The following RP1L1 variants were observed in gnomAD, a reference collection of about 807,000 sequenced individuals.
The protein encoded by RP1L1 is RP1 like 1.
Under a neutral mutation model 15.7 loss-of-function variants are expected in RP1L1, and 27 were observed. The observed-to-expected ratio is 1.72, with a 90% CI of 1.27 to 2.38. The LOEUF (loss-of-function observed/expected upper bound fraction) is 2.38, where lower values mean the gene tolerates loss of function less well. Among genes scored for constraint, RP1L1 ranks in the 30% most tolerant of loss-of-function variants. The pLI is 0.00. For missense variants in RP1L1, 4,798 were observed against 3,075.9 expected (o/e 1.56, Z -13.24); for synonymous variants, 1,813 against 1,276.7 (o/e 1.42, Z -8.96).
Position 10,608,410 on chromosome 8 carries a change from T to C in RP1L1, c.5688A>G (p.Glu1896=). The stretch of plus-strand genomic sequence containing the variant: ...CTTCTGACTCTGGCTGGACCTCCCA[T>C]TCTGCCTCTGGGGTCTCTACATCTT... ...ESEDVETPEA[E]WEVQPESEGA... The change falls in exon 4 of 4, where the codon GAA becomes GAG. Residue 1896 remains glutamate (E), a synonymous_variant. Coordinates refer to ENST00000382483, the MANE Select transcript of RP1L1 (RefSeq NM_178857.6). 4 of 1,606,390 alleles carry C rather than the reference T, an allele frequency of 2.5e-6. No homozygotes were observed. Among genetic ancestry groups the C allele is most frequent in the Non-Finnish European group, 3.4e-6 (4 of 1,175,494 alleles).
At chr8:10,638,274 G>A (rs932903293) in intron 1 of RP1L1, among the ~76,000 whole-genome samples, 1 of 152,130 alleles carries the variant, frequency 6.6e-6, no homozygotes. Flanking sequence ...GATTCCCACC[G>A]AGGTCTGGTC....
At position 10,611,755 on chromosome 8, in the gene RP1L1, G is replaced by C; in HGVS notation, c.2343C>G (p.Ser781=). ...CAGCCCCAGATTTTGAGCAGGAGTCGGATGTGTGGGGAGGTATGGGGGCCG... is the reference window on the plus strand; with the variant it reads ...CAGCCCCAGATTTTGAGCAGGAGTCCGATGTGTGGGGAGGTATGGGGGCCG... ...CSPAPIPPHT[S]DSCSKSGAAS... Residue 781 remains serine (S), a synonymous_variant, in exon 4 of 4, where the codon TCC becomes TCG. Coordinates refer to ENST00000382483, the MANE Select transcript of RP1L1 (RefSeq NM_178857.6). 6.2e-7 allele frequency: 1 copy of C among 1,613,628 alleles called. No homozygotes were observed. The highest frequency in any genetic ancestry group is 1.1e-5 in the South Asian group (1 of 91,082).
chr8:10,606,645 A>T lies in RP1L1; in HGVS notation c.*250T>A, dbSNP rs1797706182. On this transcript the variant is annotated 3_prime_UTR_variant, in exon 4 of 4. Transcript: ENST00000382483. ...TAAATAGGAGCCGGGCTGACCTCCGATAACCGGGCAGATCCGCAGACACCC... is the reference window on the plus strand; with the variant it reads ...TAAATAGGAGCCGGGCTGACCTCCGTTAACCGGGCAGATCCGCAGACACCC... 2 of 576,582 alleles carry T rather than the reference A, an allele frequency of 3.5e-6. No homozygotes were observed. Among genetic ancestry groups the T allele is most frequent in the East Asian group, 6.3e-5 (2 of 31,824 alleles). The allele number at this position is 576,582 out of a possible 1,614,324, so 35.7% of individuals were successfully genotyped here.
chr8:10,611,333 A>C lies in RP1L1; in HGVS notation c.2765T>G (p.Leu922Arg), dbSNP rs746957899. The C allele has an allele frequency of 6.2e-7, 1 of 1,612,390 alleles. No homozygotes were observed. ...SASQGAGSRGLSEEKTLRSGG... is the reference protein window; with the variant it reads ...SASQGAGSRGRSEEKTLRSGG... ...ACTCCTCAAGGTCTTCTCCTCGGAC[A>C]GCCCCCGAGACCCCGCACCCTGGCT... is the stretch of plus-strand genomic sequence containing the variant. Residue 922 changes from leucine (L) to arginine (R), a missense_variant, in exon 4 of 4, where the codon CTG (leucine) becomes CGG (arginine). Coordinates refer to ENST00000382483, the MANE Select transcript of RP1L1 (RefSeq NM_178857.6).
chr8:10,622,694 G>A lies in RP1L1; in HGVS notation c.508C>T (p.Leu170Phe). Residue 170 changes from leucine (L) to phenylalanine (F), a missense_variant, in exon 2 of 4, where the codon CTC becomes TTC. Transcript: ENST00000382483. ...AGGTTCCTAGTATTCCTGTGACTGA[G>A]AACCACTGTCTGCTGGAGGCGAGGG... is the stretch of plus-strand genomic sequence containing the variant. ...MDPRLQQTVVLSHRNTRNLAA... is the reference protein window; with the variant it reads ...MDPRLQQTVVFSHRNTRNLAA... 1.2e-6 allele frequency: 2 copies of A among 1,614,166 alleles called. No individual in the cohort carries two copies. The highest frequency in any genetic ancestry group is 1.6e-4 in the Middle Eastern group (1 of 6,062).
At position 10,608,377 on chromosome 8, in the gene RP1L1, T is replaced by A. The variant is rs547543743; in HGVS notation, c.5721A>T (p.Glu1907Asp). 13 of 1,592,400 alleles carry A rather than the reference T, an allele frequency of 8.2e-6. No homozygotes were observed. The Admixed American group carries it at 2.2e-4, about 27-fold the overall frequency. Residue 1907 changes from glutamate (E) to aspartate (D), a missense_variant, in exon 4 of 4, where the codon GAA becomes GAT. By Grantham distance (45) the Glu-to-Asp change is conservative (BLOSUM62 2). Transcript: ENST00000382483. ...GGGCCTCCTTTTCTGCCTCCGGGGCTTCTGCACCTTCTGACTCTGGCTGGA... is the reference window on the plus strand; with the variant it reads ...GGGCCTCCTTTTCTGCCTCCGGGGCATCTGCACCTTCTGACTCTGGCTGGA... The part of the protein sequence containing the change: ...WEVQPESEGA[E>D]APEAEKEAQP...
rs150668918 is a variant in RP1L1 at position 10,625,877 on chromosome 8, G to A, written c.-19-2657C>T. 9.3e-4 allele frequency among the ~76,000 whole-genome samples: 142 copies of A among 152,166 alleles called. 2 individuals carry two copies. The highest frequency in any genetic ancestry group is 1.2e-3 in the Non-Finnish European group (80 of 67,992). The stretch of plus-strand genomic sequence containing the variant: ...ACTTGTACCGATCAGAGCCAGGGGA[G>A]GCTGAGTCAGTGCAGGTGGGGGGCA... On this transcript the variant is annotated intron_variant, in intron 1 of 3. Coordinates refer to ENST00000382483, the MANE Select transcript of RP1L1 (RefSeq NM_178857.6).
Position 10,654,922 on chromosome 8 carries a change from T to A in RP1L1, c.-44A>T, listed in dbSNP as rs1388003575. The A allele has an allele frequency of 6.5e-6, 1 of 152,790 alleles. No homozygotes were observed. The highest frequency in any genetic ancestry group is 1.5e-5 in the Non-Finnish European group (1 of 68,148). The allele number at this position is 152,790 out of a possible 1,614,324, so 9.5% of individuals were successfully genotyped here. On this transcript the variant is annotated 5_prime_UTR_variant, in exon 1 of 4. An upstream start codon of the reference 5' UTR is lost. Transcript: ENST00000382483. ...CCGTCCTCCAGGGAGCACAAGGGCA[T>A]GGCTCAGCCCCTAAGCCTCAGGGGG...
rs776782245 is a variant in RP1L1, at chr8:10,611,601, G to C, written c.2497C>G (p.Pro833Ala). The C allele has an allele frequency of 6.2e-7, 1 of 1,612,068 alleles. No homozygotes were observed. The highest frequency in any genetic ancestry group is 8.5e-7 in the Non-Finnish European group (1 of 1,179,474). Residue 833 changes from proline (P) to alanine (A), a missense_variant, in exon 4 of 4, where the codon CCG (proline) becomes GCG (alanine). Transcript: ENST00000382483. Reference sequence around the variant, plus strand: ...GGTCCCCGCTGGGCCTCTTGGGCCGGCTGCGTCCCAGGCTGTGAGCAGCAG... The same window carrying C: ...GGTCCCCGCTGGGCCTCTTGGGCCGCCTGCGTCCCAGGCTGTGAGCAGCAG... The part of the protein sequence containing the change: ...SHCCSQPGTQ[P>A]AQEAQRGPSP...
At position 10,608,959 on chromosome 8, in the gene RP1L1, G is replaced by C; in HGVS notation, c.5139C>G (p.Thr1713=). 6.2e-7 allele frequency: 1 copy of C among 1,613,698 alleles called. No homozygotes were observed. The highest frequency in any genetic ancestry group is 8.5e-7 in the Non-Finnish European group (1 of 1,179,680). Residue 1713 remains threonine, a synonymous_variant, in exon 4 of 4, where the codon ACC becomes ACG. Coordinates refer to ENST00000382483, the MANE Select transcript of RP1L1 (RefSeq NM_178857.6). ...GEAAEVAPGK[T]HTDPTSTRTV... ...TCCTAGTGCTCGTGGGGTCCGTGTG[G>C]GTCTTGCCAGGGGCCACCTCTGCTG... is the stretch of plus-strand genomic sequence containing the variant.
chr8:10,631,234 C>G (rs373572946), intron 1 of RP1L1, among the ~76,000 whole-genome samples: 1 of 151,692 alleles, frequency 6.6e-6, no homozygotes, highest in African/African-American at 2.4e-5. Context: ...AACGCACACA[C>G]GTACACACAT....
Position 10,622,627 on chromosome 8 carries a change from G to T in RP1L1, c.575C>A (p.Pro192His), listed in dbSNP as rs1798079116. Residue 192 changes from proline to histidine, a missense_variant, in exon 2 of 4, where the codon CCT (proline) becomes CAT (histidine). Pro to His is a moderately conservative substitution (Grantham distance 77). Coordinates refer to ENST00000382483, the MANE Select transcript of RP1L1 (RefSeq NM_178857.6). ...GCTGGTCGTGTACAACTGCTTCACA[G>T]GAAAGCGCAGGAGATCTGAGGCTTT... ...LGKASDLLRF[P>H]VKQLYTTSGK... The T allele has an allele frequency of 6.2e-7, 1 of 1,614,104 alleles. No individual in the cohort carries two copies.
chr8:10,617,911 C>G (rs72603906), intron 2 of RP1L1, among the ~76,000 whole-genome samples: 23,512 of 152,046 alleles, frequency 0.15, 2,342 homozygotes, highest in East Asian at 0.49. Context: ...GACTCCTGGT[C>G]CATCAAAAAT....
chr8:10,629,944 C>T (rs919177584), intron 1 of RP1L1, among the ~76,000 whole-genome samples: 5 of 152,174 alleles, frequency 3.3e-5, no homozygotes, highest in Non-Finnish European at 7.4e-5. Context: ...GTCCACACCA[C>T]GTAGGCATCA....
In RP1L1 at chr8:10,623,157, C is replaced by T. The variant is rs761396117; in HGVS notation, c.45G>A (p.Glu15=). ...PRNAQAPSHR[E]CFLPSVARTP... ...TGCGAGCCACAGAGGGCAGGAAGCA[C>T]TCACGGTGGCTCGGGGCCTGGGCAT... Residue 15 remains glutamate (E), a synonymous_variant, in exon 2 of 4, where the codon GAG becomes GAA. Transcript: ENST00000382483. The T allele has an allele frequency of 1.9e-6, 3 of 1,590,890 alleles. No individual in the cohort carries two copies. Among genetic ancestry groups the T allele is most frequent in the Admixed American group, 3.4e-5 (2 of 58,726 alleles).
intron 1 of RP1L1, among the ~76,000 whole-genome samples, chr8:10,642,511 G>C (rs1173918784): frequency 6.6e-6 from 1 of 152,170 alleles, no homozygotes; most frequent in Non-Finnish European, 1.5e-5. Flanking sequence ...GTGAAACCTA[G>C]TACTAAACAC....
intron 1 of RP1L1, among the ~76,000 whole-genome samples, chr8:10,633,805 C>G (rs1263556350): frequency 6.6e-6 from 1 of 152,168 alleles, no homozygotes; most frequent in Non-Finnish European, 1.5e-5. Flanking sequence ...TGTAGGTATA[C>G]AATACAAGGT....
Position 10,612,645 on chromosome 8 carries a change from G to A in RP1L1, c.1453C>T (p.Pro485Ser). Reference sequence around the variant, plus strand: ...CGCTCAGCCCCTATCTGGGCAGAGGGGCTGGCACTGTCCACCCCGTCCTCC... The same window carrying A: ...CGCTCAGCCCCTATCTGGGCAGAGGAGCTGGCACTGTCCACCCCGTCCTCC... ...TPEDGVDSAS[P>S]SAQIGAERKA... The change falls in exon 4 of 4, where the codon CCC becomes TCC. Residue 485 changes from proline to serine, a missense_variant. Pro to Ser is a moderately conservative substitution (Grantham distance 74). Transcript: ENST00000382483. 1.2e-6 allele frequency: 2 copies of A among 1,601,646 alleles called. No homozygotes were observed. Among genetic ancestry groups the A allele is most frequent in the South Asian group, 1.1e-5 (1 of 90,978 alleles).
In RP1L1 at chr8:10,608,677, G is replaced by A; in HGVS notation, c.5421C>T (p.Gly1807=). ...CCTGCAAGTTGTCCTCATGCCCAGA[G>A]CCTTGACCCCCAGTTTCTCCCCTTT... is the stretch of plus-strand genomic sequence containing the variant. ...ISERGETGGQ[G]SGHEDNLQGE... Residue 1807 remains glycine, a synonymous_variant, in exon 4 of 4, where the codon GGC becomes GGT. Transcript: ENST00000382483. 6.2e-7 allele frequency: 1 copy of A among 1,614,190 alleles called. No individual in the cohort carries two copies. The highest frequency in any genetic ancestry group is 8.5e-7 in the Non-Finnish European group (1 of 1,180,038).
Sources: allele counts gnomAD v4.1 joint callset (sites outside exome capture counted in the v4.1 genomes callset), GRCh38; gene constraint gnomAD v4.1.1; transcripts MANE v1.5; gene names NCBI Gene and HGNC (gene_info 2026-07-23, HGNC 2026-07-21).